The following NELL2 variants were observed in gnomAD, a reference collection of about 807,000 sequenced individuals.
The protein encoded by NELL2 is protein kinase C-binding protein NELL2.
Under a neutral mutation model 109.6 loss-of-function variants are expected in NELL2, and 41 were observed. That is an observed-to-expected ratio of 0.37 (90% confidence interval 0.29 to 0.49). The LOEUF is 0.49. Among genes scored for constraint, NELL2 ranks in the 20% least tolerant of loss-of-function variants. The pLI is 0.98. For synonymous variants in NELL2, 355 were observed against 344.7 expected, an observed-to-expected ratio of 1.03 and a Z score of -0.33; for missense variants, 900 against 1,008.3, an observed-to-expected ratio of 0.89 and a Z score of 1.45.
chr12:44,834,436 C>CTTTTTTT, intron 2 of NELL2, among the ~76,000 whole-genome samples: 1 of 131,542 alleles, frequency 7.6e-6, no homozygotes, highest in East Asian at 2.3e-4. Flanking sequence ...CACACGCATT[C>CTTTTTTT]TTTTTTTTTT....
intron 11 of NELL2, among the ~76,000 whole-genome samples, chr12:44,708,280 C>A (rs901241976): frequency 6.6e-6 from 1 of 152,170 alleles, no homozygotes; most frequent in Non-Finnish European, 1.5e-5. Flanking sequence ...TACAGGGTAC[C>A]TAGAACACAG....
intron 9 of NELL2, among the ~76,000 whole-genome samples, chr12:44,761,098 A>C (rs935623427): frequency 6.6e-6 from 1 of 152,236 alleles, no homozygotes; most frequent in African/African-American, 2.4e-5. Flanking sequence ...GCGGTGGCTC[A>C]TGCCTGTAAT....
intron 3 of NELL2, among the ~76,000 whole-genome samples, chr12:44,803,977 T>C (rs911782870): frequency 1.3e-5 from 2 of 152,028 alleles, no homozygotes; most frequent in Non-Finnish European, 2.9e-5. Context: ...TGTAAGTATA[T>C]AGTTTCATAT....
chr12:44,877,717 C>G (rs1258911401), upstream of NELL2, among the ~76,000 whole-genome samples: 1 of 151,900 alleles, frequency 6.6e-6, no homozygotes, highest in Non-Finnish European at 1.5e-5. Context: ...ATTTTTAAGA[C>G]AAAAGATTCA....
chr12:44,794,055 C>T (rs1433062584), intron 3 of NELL2, among the ~76,000 whole-genome samples: 2 of 152,172 alleles, frequency 1.3e-5, no homozygotes, highest in South Asian at 2.1e-4. Context: ...TGGCTCCCCC[C>T]GTTGTCCCCT....
chr12:44,831,022 G>A (rs942979941), intron 2 of NELL2, among the ~76,000 whole-genome samples: 6 of 151,514 alleles, frequency 4.0e-5, no homozygotes, highest in Non-Finnish European at 8.8e-5. Context: ...TACCACATTG[G>A]ACACCACACC....
chr12:44,735,061 G>T (rs1327721673), intron 9 of NELL2, among the ~76,000 whole-genome samples: 1 of 151,862 alleles, frequency 6.6e-6, no homozygotes, highest in African/African-American at 2.4e-5. Context: ...ATTGCCTTTG[G>T]CTCCTATTTA....
At chr12:44,620,239 A>G (rs1278975230) in intron 13 of NELL2, among the ~76,000 whole-genome samples, 4 of 151,952 alleles carry the variant, frequency 2.6e-5, no homozygotes, top group Admixed American at 1.3e-4. Flanking sequence ...AACCAAATAA[A>G]CACTCTTCAC....
At chr12:44,512,003 G>A (rs1015752779) in intron 19 of NELL2, among the ~76,000 whole-genome samples, 3 of 152,076 alleles carry the variant, frequency 2.0e-5, no homozygotes, top group Admixed American at 2.0e-4. Flanking sequence ...AAACTAAAAA[G>A]CTTCTGCACA....
intron 2 of NELL2, among the ~76,000 whole-genome samples, chr12:44,827,709 T>C (rs1471420132): frequency 6.6e-6 from 1 of 152,196 alleles, no homozygotes; most frequent in Admixed American, 6.5e-5. Context: ...TCATTATCTA[T>C]CTGTTGGTGG....
intron 2 of NELL2, among the ~76,000 whole-genome samples, chr12:44,852,476 A>G (rs1944562052): frequency 6.6e-6 from 1 of 152,202 alleles, no homozygotes; most frequent in Non-Finnish European, 1.5e-5. Flanking sequence ...AGATGGGAAC[A>G]GTTTAAACAT....
At chr12:44,920,837 C>A (rs2136900095) in intron 1 of NELL2, among the ~76,000 whole-genome samples, 1 of 152,242 alleles carries the variant, frequency 6.6e-6, no homozygotes, top group African/African-American at 2.4e-5. Context: ...ACCAACAAAT[C>A]CATAAAATGA....
chr12:44,875,812 C>CA lies in NELL2; in HGVS notation c.55+2dup, dbSNP rs1450603737. On this transcript the variant is annotated splice_region_variant and intron_variant, in intron 1 of 19. Transcript: ENST00000429094. ...CCCCAGCCCCAGCTCTGCGGCCACTCACCTGCTCCGAGACCGAAGATCAAA... is the reference window on the plus strand; with the variant it reads ...CCCCAGCCCCAGCTCTGCGGCCACTCAACCTGCTCCGAGACCGAAGATCAAA... 3 of 1,613,756 alleles carry CA rather than the reference C, an allele frequency of 1.9e-6. No individual in the cohort carries two copies. In the East Asian group the frequency reaches 6.7e-5, roughly 36 times the overall value.
At chr12:44,772,516 C>T (rs903794103) in intron 9 of NELL2, among the ~76,000 whole-genome samples, 2 of 152,124 alleles carry the variant, frequency 1.3e-5, no homozygotes, top group African/African-American at 2.4e-5. Context: ...CAAAAAGAAC[C>T]GCTAAGAATA....
chr12:44,833,079 G>C (rs1286828665), intron 2 of NELL2, among the ~76,000 whole-genome samples: 1 of 152,158 alleles, frequency 6.6e-6, no homozygotes, highest in African/African-American at 2.4e-5. Flanking sequence ...TCCACCACCA[G>C]TTTTGGGGGT....
intron 15 of NELL2, among the ~76,000 whole-genome samples, chr12:44,580,782 C>A (rs1023036996): frequency 5.9e-5 from 9 of 151,910 alleles, no homozygotes; most frequent in African/African-American, 2.2e-4. Flanking sequence ...GCTTTAAGTT[C>A]GAAAAATCAC....
intron 2 of NELL2, among the ~76,000 whole-genome samples, chr12:44,870,778 C>A (rs1234112385): frequency 4.6e-5 from 7 of 152,132 alleles, no homozygotes; most frequent in Non-Finnish European, 1.5e-5. Context: ...TTACACAGGG[C>A]TCACCCAGAT....
intron 2 of NELL2, among the ~76,000 whole-genome samples, chr12:44,872,593 C>A (rs1273036688): frequency 6.6e-6 from 1 of 152,026 alleles, no homozygotes; most frequent in Admixed American, 6.6e-5. Flanking sequence ...GAGCAAAAAT[C>A]ACTGGGAAAG....
At chr12:44,776,617 A>G (rs10785529) in intron 7 of NELL2, among the ~76,000 whole-genome samples, 34,786 of 152,116 alleles carry the variant, frequency 0.23, 4,209 homozygotes, top group South Asian at 0.28. Flanking sequence ...AACCTGACAT[A>G]TGCTTAAGAT....
Sources: gnomAD v4.1 joint callset for allele counts (sites outside exome capture counted in the v4.1 genomes callset) on GRCh38, gnomAD v4.1.1 for gene constraint, MANE v1.5 for transcripts, NCBI Gene and HGNC (gene_info 2026-07-23, HGNC 2026-07-21) for gene names.